The following ANKFN1 variants were observed in gnomAD, a reference collection of about 807,000 sequenced individuals.
ANKFN1 encodes ankyrin repeat and fibronectin type III domain containing 1.
Under a neutral mutation model 108.7 loss-of-function variants are expected in ANKFN1, and 74 were observed. The ratio of observed to expected loss-of-function variants is 0.68; its 90% CI spans 0.56 to 0.83. The LOEUF is 0.83. Ranked by LOEUF, ANKFN1 falls within the 40% of genes least tolerant of loss-of-function variation. The pLI is 0.00. For missense variants in ANKFN1, 1,505 were observed against 1,382.3 expected (o/e 1.09, Z -1.41); for synonymous variants, 547 against 516.2 (o/e 1.06, Z -0.81).
chr17:56,180,631 C>T (rs976798557), intron 1 of ANKFN1, among the ~76,000 whole-genome samples: 2 of 152,156 alleles, frequency 1.3e-5, no homozygotes, highest in Non-Finnish European at 2.9e-5. Flanking sequence ...CTTATTAACT[C>T]TCCTACAGGC....
chr17:56,241,423 G>A (rs1302913624), intron 3 of ANKFN1, among the ~76,000 whole-genome samples: 1 of 152,080 alleles, frequency 6.6e-6, no homozygotes, highest in Non-Finnish European at 1.5e-5. Context: ...ATTTCCCCAT[G>A]GAATTGCTAT....
rs1403300877 is a variant in ANKFN1 at position 56,510,600 on chromosome 17, T to G, written c.2772T>G (p.Ile924Met). 1 of 1,536,130 alleles carries G rather than the reference T, an allele frequency of 6.5e-7. No homozygotes were observed. The highest frequency in any genetic ancestry group is 8.7e-7 in the Non-Finnish European group (1 of 1,146,912). The change falls in exon 21 of 21, where the codon ATT becomes ATG. Residue 924 changes from isoleucine (I) to methionine (M), a missense_variant. Ile to Met is a conservative substitution (Grantham distance 10, BLOSUM62 1). Coordinates refer to ENST00000682825, the MANE Select transcript of ANKFN1 (RefSeq NM_001370326.1). ...TGGTCTACCTATCATCTCACGACAT[T>G]GCGCAGCAGACCCTTAGCGGCCTAA... is the stretch of plus-strand genomic sequence containing the variant. Reference protein sequence around the residue: ...LDLVYLSSHDIAQQTLSGLSG... With the variant: ...LDLVYLSSHDMAQQTLSGLSG...
At chr17:56,382,837 G>A (rs146070143) in intron 8 of ANKFN1, among the ~76,000 whole-genome samples, 9,706 of 152,124 alleles carry the variant, frequency 0.064, 1,027 homozygotes, top group African/African-American at 0.22. Context: ...AGCAAGTCCT[G>A]AGTGACCTAC....
intron 19 of ANKFN1, among the ~76,000 whole-genome samples, chr17:56,493,683 A>T (rs1188364502): frequency 6.6e-6 from 1 of 152,120 alleles, no homozygotes; most frequent in African/African-American, 2.4e-5. Flanking sequence ...TCTGTTTAGG[A>T]TAGATTCAAG....
chr17:56,369,845 T>C (rs1051552340), intron 6 of ANKFN1, among the ~76,000 whole-genome samples: 2 of 152,222 alleles, frequency 1.3e-5, no homozygotes, highest in African/African-American at 4.8e-5. Context: ...GCAATTACTT[T>C]TAACAACAGA....
chr17:56,422,273 T>C (rs1308814974), intron 8 of ANKFN1, among the ~76,000 whole-genome samples: 1 of 152,258 alleles, frequency 6.6e-6, no homozygotes, highest in Non-Finnish European at 1.5e-5. Flanking sequence ...AAATGTTTTA[T>C]TGGGTTTCCT....
At chr17:56,225,918 A>G (rs1916232594) in intron 2 of ANKFN1, among the ~76,000 whole-genome samples, 1 of 152,224 alleles carries the variant, frequency 6.6e-6, no homozygotes, top group Non-Finnish European at 1.5e-5. Context: ...TTGTCCAATG[A>G]ATCTGTGAAG....
At chr17:56,138,611 G>A (rs950679931) in intron 4 of ANKFN1, among the ~76,000 whole-genome samples, 6 of 150,636 alleles carry the variant, frequency 4.0e-5, no homozygotes, top group East Asian at 3.9e-4. Flanking sequence ...CTGCATTCAA[G>A]CGATTCTCCT....
intron 4 of ANKFN1, among the ~76,000 whole-genome samples, chr17:56,092,961 C>G (rs1905448442): frequency 1.3e-5 from 2 of 151,188 alleles, no homozygotes; most frequent in African/African-American, 4.9e-5. Flanking sequence ...AGAGAAAACA[C>G]TTTACTCTTC....
chr17:56,098,518 ATATACT>A (rs1224612731), intron 4 of ANKFN1, among the ~76,000 whole-genome samples: 1 of 152,056 alleles, frequency 6.6e-6, no homozygotes, highest in Non-Finnish European at 1.5e-5. Context: ...CTGACACGTG[ATATACT>A]TATGAGTTCA....
In ANKFN1 at chr17:56,466,570, AG is replaced by A. The variant is rs2050079889; in HGVS notation, c.1773+1del. On this transcript the variant is annotated frameshift_variant and splice_region_variant, in exon 15 of 21. Coordinates refer to ENST00000682825, the MANE Select transcript of ANKFN1 (RefSeq NM_001370326.1). LOFTEE classifies it high-confidence loss of function. The part of the protein sequence containing the change: ...TALDILLITI[Q>X]DILSYHKRSH... ...TTAGACATTCTACTGATAACCATCC[AG>A]GTATGTAGTTTTTTTCTTAATTCCC... is the stretch of plus-strand genomic sequence containing the variant. 1 of 1,602,350 alleles carries A rather than the reference AG, an allele frequency of 6.2e-7. No individual in the cohort carries two copies. The highest frequency in any genetic ancestry group is 8.5e-7 in the Non-Finnish European group (1 of 1,173,876).
At chr17:56,436,271 G>A (rs1291883399) in intron 8 of ANKFN1, among the ~76,000 whole-genome samples, 4 of 152,152 alleles carry the variant, frequency 2.6e-5, no homozygotes. Flanking sequence ...CCAAATTTTA[G>A]GAAATACTAA....
chr17:56,164,140 G>A (rs1179175576), intron 1 of ANKFN1, among the ~76,000 whole-genome samples: 2 of 151,956 alleles, frequency 1.3e-5, no homozygotes, highest in Non-Finnish European at 2.9e-5. Context: ...CTCAACTCTG[G>A]CCACATACTC....
At chr17:56,236,366 T>C (rs981945648) in intron 3 of ANKFN1, among the ~76,000 whole-genome samples, 5 of 152,120 alleles carry the variant, frequency 3.3e-5, no homozygotes, top group African/African-American at 1.2e-4. Flanking sequence ...CCTGATTTCT[T>C]TGAACAATGC....
chr17:56,505,293 G>A lies in ANKFN1; in HGVS notation c.2645-5180G>A, dbSNP rs143947585. Among the ~76,000 whole-genome samples, 149 of 152,204 alleles carry A rather than the reference G, an allele frequency of 9.8e-4. 1 individual carries two copies. The highest frequency in any genetic ancestry group is 2.4e-3 in the African/African-American group (98 of 41,522). ...AAGAGACAGTCAAATATCACTATTC[G>A]TTATGCTCCCAGATTTCAATATTTG... is the stretch of plus-strand genomic sequence containing the variant. On this transcript the variant is annotated intron_variant, in intron 20 of 20. Transcript: ENST00000682825.
intron 3 of ANKFN1, among the ~76,000 whole-genome samples, chr17:56,248,067 G>A (rs2043157108): frequency 6.6e-6 from 1 of 152,166 alleles, no homozygotes; most frequent in Non-Finnish European, 1.5e-5. Context: ...AGGTCTTCAG[G>A]AAGACAGATT....
At chr17:56,157,571 C>T (rs1050526797) in intron 1 of ANKFN1, among the ~76,000 whole-genome samples, 1 of 152,196 alleles carries the variant, frequency 6.6e-6, no homozygotes, top group African/African-American at 2.4e-5. Flanking sequence ...TGGACTATGG[C>T]GTCTTACCAG....
At chr17:56,388,274 G>A (rs1315123293) in intron 8 of ANKFN1, among the ~76,000 whole-genome samples, 1 of 151,950 alleles carries the variant, frequency 6.6e-6, no homozygotes, top group Admixed American at 6.6e-5. Flanking sequence ...AGCCTCCCGA[G>A]TAGCTGAGAC....
At chr17:56,265,789 G>T (rs2043634314) in intron 3 of ANKFN1, among the ~76,000 whole-genome samples, 1 of 152,054 alleles carries the variant, frequency 6.6e-6, no homozygotes, top group African/African-American at 2.4e-5. Context: ...CTAATACAAT[G>T]CAAATGCTAT....
Sources: gnomAD v4.1 joint callset for allele counts (sites outside exome capture counted in the v4.1 genomes callset) on GRCh38, gnomAD v4.1.1 for gene constraint, MANE v1.5 for transcripts, NCBI Gene and HGNC (gene_info 2026-07-23, HGNC 2026-07-21) for gene names.